ADK: variants seen among roughly 807,000 people sequenced by gnomAD.
The protein encoded by ADK is adenosine kinase, also known as N6,N6-dimethyladenosine kinase.
A neutral mutation model predicts 44.7 loss-of-function variants in ADK; 24 were observed. The observed-to-expected ratio is 0.54, with a 90% CI of 0.39 to 0.76. The LOEUF (loss-of-function observed/expected upper bound fraction) is 0.76. ADK is among the 30% of genes least tolerant of loss of function. The probability of loss-of-function intolerance (pLI) is 0.00; values close to 1 mark genes in which losing one functional copy is unlikely to be tolerated. For synonymous variants in ADK, 128 were observed against 142.6 expected, an observed-to-expected ratio of 0.90 and a Z score of 0.73; for missense variants, 321 against 425.1, an observed-to-expected ratio of 0.76 and a Z score of 2.15.
intron 7 of ADK, among the ~76,000 whole-genome samples, chr10:74,557,578 T>C (rs924447854): frequency 3.3e-5 from 5 of 152,178 alleles, no homozygotes; most frequent in African/African-American, 1.2e-4. Flanking sequence ...TCTAGACATA[T>C]TTTATTGTAA....
chr10:74,504,955 C>T (rs1237504736), intron 6 of ADK, among the ~76,000 whole-genome samples: 3 of 151,902 alleles, frequency 2.0e-5, no homozygotes, highest in African/African-American at 2.4e-5. Flanking sequence ...AGTGTGAAAA[C>T]GGACTAATAC....
intron 2 of ADK, among the ~76,000 whole-genome samples, chr10:74,210,967 C>T (rs1843790351): frequency 6.6e-6 from 1 of 152,128 alleles, no homozygotes; most frequent in South Asian, 2.1e-4. Context: ...TCACTGCAAC[C>T]TCTGCCTCCC....
intron 1 of ADK, among the ~76,000 whole-genome samples, chr10:74,151,791 T>A (rs772489831): frequency 1.8e-4 from 28 of 152,226 alleles, no homozygotes; most frequent in Non-Finnish European, 3.1e-4. Flanking sequence ...GAAGGGCACG[T>A]TGACCTTCCT....
intron 6 of ADK, among the ~76,000 whole-genome samples, chr10:74,485,394 C>T (rs1847228758): frequency 6.6e-6 from 1 of 151,600 alleles, no homozygotes; most frequent in South Asian, 2.1e-4. Flanking sequence ...CCCAGGATGT[C>T]AAGGTTGCAG....
intron 1 of ADK, among the ~76,000 whole-genome samples, chr10:74,195,660 A>ATTTTTC (rs976812983): frequency 9.1e-5 from 8 of 88,334 alleles, no homozygotes; most frequent in Non-Finnish European, 1.8e-4. Context: ...AATTTTTTAT[A>ATTTTTC]TTTTTCTTTT....
chr10:74,367,936 TTAA>T (rs1842544320), intron 4 of ADK, among the ~76,000 whole-genome samples: 2 of 152,236 alleles, frequency 1.3e-5, no homozygotes, highest in Admixed American at 6.5e-5. Context: ...GAGTTTATTG[TTAA>T]TAAATCAAAT....
At chr10:74,267,089 T>G (rs1191709781) in intron 3 of ADK, among the ~76,000 whole-genome samples, 1 of 152,190 alleles carries the variant, frequency 6.6e-6, no homozygotes, top group Non-Finnish European at 1.5e-5. Flanking sequence ...GTATTAGATA[T>G]TGTTAGTAAT....
At chr10:74,402,013 C>T (rs544202632) in intron 6 of ADK, among the ~76,000 whole-genome samples, 4 of 152,112 alleles carry the variant, frequency 2.6e-5, no homozygotes, top group East Asian at 1.9e-4. Flanking sequence ...TAGTTTGGCT[C>T]GATATGAATT....
chr10:74,509,757 CCAATATCCTCTGTT>C (rs2133508896), intron 6 of ADK, among the ~76,000 whole-genome samples: 1 of 152,226 alleles, frequency 6.6e-6, no homozygotes, highest in South Asian at 2.1e-4. Flanking sequence ...TTCCCAGCCT[CCAATATCCTCTGTT>C]CTACCTTTTA....
intron 6 of ADK, among the ~76,000 whole-genome samples, chr10:74,419,758 C>T (rs1054904050): frequency 3.9e-5 from 6 of 152,102 alleles, no homozygotes; most frequent in African/African-American, 1.2e-4. Context: ...GATAAAACAT[C>T]GTTATTACAT....
At chr10:74,263,705 A>G (rs983999074) in intron 3 of ADK, among the ~76,000 whole-genome samples, 23 of 152,234 alleles carry the variant, frequency 1.5e-4, no homozygotes. Context: ...TGCTTAAAAT[A>G]TATGTGTATA....
At chr10:74,653,764 C>T (rs776135414) in intron 9 of ADK, among the ~76,000 whole-genome samples, 1 of 152,166 alleles carries the variant, frequency 6.6e-6, no homozygotes, top group Non-Finnish European at 1.5e-5. Flanking sequence ...GACAAGTAAT[C>T]TGTGAATCCA....
chr10:74,196,781 A>G (rs1843169498), intron 1 of ADK, among the ~76,000 whole-genome samples: 1 of 152,138 alleles, frequency 6.6e-6, no homozygotes, highest in African/African-American at 2.4e-5. Context: ...CCCATGACAC[A>G]AGTTTACCTA....
chr10:74,162,527 GT>G (rs945468900), intron 1 of ADK, among the ~76,000 whole-genome samples: 1 of 134,346 alleles, frequency 7.4e-6, no homozygotes. Flanking sequence ...TCTTTTGTGT[GT>G]GTGTGTGTGT....
chr10:74,669,542 A>G (rs922468521), intron 9 of ADK, among the ~76,000 whole-genome samples: 6 of 152,238 alleles, frequency 3.9e-5, no homozygotes, highest in African/African-American at 1.4e-4. Context: ...TGTTCTGCCC[A>G]TGCATTCAGT....
intron 3 of ADK, among the ~76,000 whole-genome samples, chr10:74,276,291 CTT>C (rs1846676809): frequency 6.6e-6 from 1 of 152,126 alleles, no homozygotes. Flanking sequence ...GCACTGGAGA[CTT>C]TTTCTTCGCT....
chr10:74,655,940 C>T (rs955328910), intron 9 of ADK: 90 of 694,856 alleles, frequency 1.3e-4, no homozygotes, highest in Admixed American at 1.1e-3. Context: ...TCTGCAAGTC[C>T]GAAAGGGTGC....
chr10:74,479,589 A>AAT (rs959176660), intron 6 of ADK, among the ~76,000 whole-genome samples: 2 of 151,650 alleles, frequency 1.3e-5, no homozygotes, highest in African/African-American at 4.8e-5. Context: ...ATAATTACTA[A>AAT]ATATATATGT....
chr10:74,265,849 A>T (rs1846194425), intron 3 of ADK, among the ~76,000 whole-genome samples: 1 of 152,202 alleles, frequency 6.6e-6, no homozygotes, highest in Non-Finnish European at 1.5e-5. Context: ...TTAGATTTGC[A>T]GTACCTGTTC....
Sources: gnomAD v4.1 joint callset for allele counts (sites outside exome capture counted in the v4.1 genomes callset) on GRCh38, gnomAD v4.1.1 for gene constraint, MANE v1.5 for transcripts, NCBI Gene and HGNC (gene_info 2026-07-23, HGNC 2026-07-21) for gene names.